Variants in SEMA3E observed in about 807,000 individuals in gnomAD.
SEMA3E encodes the protein semaphorin 3E.
A neutral mutation model predicts 93.6 loss-of-function variants in SEMA3E; 49 were observed. The observed-to-expected ratio is 0.52, with a 90% CI of 0.42 to 0.66. The LOEUF is 0.66. SEMA3E is among the 30% of genes least tolerant of loss of function. SEMA3E has a pLI of 0.00. For missense variants in SEMA3E, 906 were observed against 964.8 expected (o/e 0.94, Z 0.81); for synonymous variants, 363 against 330.7 (o/e 1.10, Z -1.06).
At chr7:83,383,322 G>C (rs1384261247) in intron 16 of SEMA3E, among the ~76,000 whole-genome samples, 1 of 119,454 alleles carries the variant, frequency 8.4e-6, no homozygotes, top group Admixed American at 9.0e-5. Context: ...ATAAAGATTT[G>C]ATAAGAAAGT....
At chr7:83,589,162 T>C (rs1792700176) in intron 1 of SEMA3E, among the ~76,000 whole-genome samples, 2 of 152,182 alleles carry the variant, frequency 1.3e-5, no homozygotes, top group South Asian at 4.1e-4. Flanking sequence ...TTTGACTCCA[T>C]CTTTATTATA....
chr7:83,609,505 T>C (rs549949263), intron 1 of SEMA3E, among the ~76,000 whole-genome samples: 15 of 152,094 alleles, frequency 9.9e-5, no homozygotes, highest in Admixed American at 3.3e-4. Flanking sequence ...CTTCCAAATA[T>C]AAATAAATAT....
At chr7:83,554,302 A>T (rs1041528881) in intron 1 of SEMA3E, among the ~76,000 whole-genome samples, 38 of 152,320 alleles carry the variant, frequency 2.5e-4, no homozygotes, top group Non-Finnish European at 1.5e-5. Context: ...CAGTAATCTT[A>T]AATCAGGATT....
At chr7:83,580,719 T>C (rs560367084) in intron 1 of SEMA3E, among the ~76,000 whole-genome samples, 1 of 152,144 alleles carries the variant, frequency 6.6e-6, no homozygotes, top group African/African-American at 2.4e-5. Context: ...ATAGTACTTA[T>C]GCCATTGAAC....
At chr7:83,475,512 G>A (rs1044940257) in intron 2 of SEMA3E, among the ~76,000 whole-genome samples, 2 of 152,142 alleles carry the variant, frequency 1.3e-5, no homozygotes, top group African/African-American at 4.8e-5. Context: ...ATAAGATTGG[G>A]AGTTTCCTAA....
At chr7:83,581,225 C>T (rs1205629495) in intron 1 of SEMA3E, among the ~76,000 whole-genome samples, 3 of 151,962 alleles carry the variant, frequency 2.0e-5, no homozygotes, top group African/African-American at 4.8e-5. Context: ...AAACTCAACA[C>T]GTATTTACCA....
chr7:83,518,151 G>C (rs1448840382), intron 1 of SEMA3E, among the ~76,000 whole-genome samples: 1 of 152,116 alleles, frequency 6.6e-6, no homozygotes, highest in Non-Finnish European at 1.5e-5. Context: ...TTTATTTGTA[G>C]TTAGTACATA....
intron 2 of SEMA3E, among the ~76,000 whole-genome samples, chr7:83,472,557 C>T (rs868221214): frequency 1.3e-5 from 2 of 152,112 alleles, no homozygotes; most frequent in Non-Finnish European, 2.9e-5. Flanking sequence ...AAGCTCAGTC[C>T]ACCTCCTTTC....
intron 1 of SEMA3E, among the ~76,000 whole-genome samples, chr7:83,528,708 C>A (rs1182011691): frequency 6.6e-6 from 1 of 151,778 alleles, no homozygotes; most frequent in Non-Finnish European, 1.5e-5. Context: ...AAACTATGAC[C>A]AATAAAATAA....
intron 14 of SEMA3E, among the ~76,000 whole-genome samples, chr7:83,390,127 G>A (rs144963376): frequency 0.065 from 3,390 of 52,116 alleles, 388 homozygotes; most frequent in Non-Finnish European, 0.078. Context: ...GCGCGTATAC[G>A]TGTGCACATA....
At chr7:83,533,536 C>T (rs541965660) in intron 1 of SEMA3E, among the ~76,000 whole-genome samples, 6 of 150,918 alleles carry the variant, frequency 4.0e-5, no homozygotes, top group African/African-American at 7.3e-5. Context: ...AGAGTGAGAC[C>T]GTTTCTCAAT....
rs139813075 is a variant in SEMA3E at position 83,468,659 on chromosome 7, C to G, written c.336+584G>C. On this transcript the variant is annotated intron_variant, in intron 3 of 16. Coordinates refer to ENST00000643230, the MANE Select transcript of SEMA3E (RefSeq NM_012431.3). ...CACAAAATCAGCTAGCCACTGCTCG[C>G]ATGTGAAAGTTCTATCACTGATGTC... 6.7e-3 allele frequency among the ~76,000 whole-genome samples: 1,027 copies of G among 152,198 alleles called. 16 individuals are homozygous for G. Among genetic ancestry groups the G allele is most frequent in the African/African-American group, 0.024 (982 of 41,520 alleles).
chr7:83,594,917 T>C (rs1020983515), intron 1 of SEMA3E, among the ~76,000 whole-genome samples: 2 of 151,022 alleles, frequency 1.3e-5, no homozygotes, highest in Admixed American at 1.3e-4. Flanking sequence ...ATTCCAGTTA[T>C]GTTTGGGGAG....
chr7:83,412,368 C>T (rs1788453218), intron 5 of SEMA3E, among the ~76,000 whole-genome samples: 1 of 152,036 alleles, frequency 6.6e-6, no homozygotes, highest in Non-Finnish European at 1.5e-5. Flanking sequence ...TCTGTTGAAT[C>T]AAAGAATGGC....
At chr7:83,571,980 C>CA (rs199557890) in intron 1 of SEMA3E, among the ~76,000 whole-genome samples, 2,697 of 151,382 alleles carry the variant, frequency 0.018, 79 homozygotes, top group African/African-American at 0.06. Context: ...ACAGTATCCA[C>CA]AAAAAAAATG....
rs749245937 is a variant in SEMA3E at position 83,407,289 on chromosome 7, A to C, written c.671-50T>G. On this transcript the variant is annotated intron_variant, in intron 6 of 16. Transcript: ENST00000643230. Reference sequence around the variant, plus strand: ...AAAGTGAAATAGATATTACAACTAAATGCTAACAAGTTATTCCAATAAATT... The same window carrying C: ...AAAGTGAAATAGATATTACAACTAACTGCTAACAAGTTATTCCAATAAATT... 10 of 1,437,444 alleles carry C rather than the reference A, an allele frequency of 7.0e-6. No homozygotes were observed. The South Asian group carries it at 1.2e-4, about 17-fold the overall frequency. 89.0% of individuals were successfully genotyped at this position (1,437,444 alleles called of 1,614,324 possible).
At chr7:83,459,185 G>C (rs1310995552) in intron 4 of SEMA3E, among the ~76,000 whole-genome samples, 1 of 151,576 alleles carries the variant, frequency 6.6e-6, no homozygotes, top group Non-Finnish European at 1.5e-5. Flanking sequence ...CAATGATAAA[G>C]ACAAAATCTT....
rs1794654276 is a variant in SEMA3E at position 83,365,558 on chromosome 7, T to C, written c.*2028A>G. On this transcript the variant is annotated 3_prime_UTR_variant, in exon 17 of 17. Coordinates refer to ENST00000643230, the MANE Select transcript of SEMA3E (RefSeq NM_012431.3). ...CTTCAGTATATGGACTTCTTATGAC[T>C]TGTGTCATAGAAAAGCTATTTTCCT... The C allele has an allele frequency of 6.6e-6, 1 of 152,226 alleles. No homozygotes were observed. The highest frequency in any genetic ancestry group is 1.5e-5 in the Non-Finnish European group (1 of 68,030). The allele number at this position is 152,226 out of a possible 1,614,324, so 9.4% of individuals were successfully genotyped here. A position where few individuals can be genotyped will look rare whatever the true frequency, so the allele number is the denominator to read the frequency against.
At chr7:83,448,844 T>C (rs1273959780) in intron 4 of SEMA3E, among the ~76,000 whole-genome samples, 1 of 152,154 alleles carries the variant, frequency 6.6e-6, no homozygotes, top group Non-Finnish European at 1.5e-5. Flanking sequence ...GTTTTTGGTA[T>C]GAGAGACAAA....
Sources: gnomAD v4.1 joint callset for allele counts (sites outside exome capture counted in the v4.1 genomes callset) on GRCh38, gnomAD v4.1.1 for gene constraint, MANE v1.5 for transcripts, NCBI Gene and HGNC (gene_info 2026-07-23, HGNC 2026-07-21) for gene names.